RPTOR: variants seen among roughly 807,000 people sequenced by gnomAD.
RPTOR encodes regulatory-associated protein of mTOR.
RPTOR carries 21 observed loss-of-function variants against 169.9 expected under a neutral mutation model. The ratio of observed to expected loss-of-function variants is 0.12; its 90% confidence interval spans 0.09 to 0.18. The LOEUF (loss-of-function observed/expected upper bound fraction) is 0.18. Among genes scored for constraint, RPTOR ranks in the 10% least tolerant of loss-of-function variants. The pLI is 1.00. For missense variants in RPTOR, 1,133 were observed against 1,855.9 expected, an observed-to-expected ratio of 0.61 and a Z score of 7.16; for synonymous variants, 732 against 753.2, an observed-to-expected ratio of 0.97 and a Z score of 0.46.
At chr17:80,574,162 T>C (rs1306116059) in intron 1 of RPTOR, among the ~76,000 whole-genome samples, 2 of 145,104 alleles carry the variant, frequency 1.4e-5, no homozygotes, top group African/African-American at 2.6e-5. Flanking sequence ...TTTTTTCTTT[T>C]TTTTTTTTTT....
At chr17:80,908,321 A>G (rs2068569869) in intron 20 of RPTOR, among the ~76,000 whole-genome samples, 1 of 152,236 alleles carries the variant, frequency 6.6e-6, no homozygotes, top group South Asian at 2.1e-4. Context: ...ATCTCAGAGC[A>G]GGGCCAGTGC....
chr17:80,601,635 T>C (rs2065189136), intron 1 of RPTOR, among the ~76,000 whole-genome samples: 1 of 20,644 alleles, frequency 4.8e-5, no homozygotes, highest in Admixed American at 3.3e-4. Context: ...GGCAGGGTCA[T>C]GGGACAATAG....
intron 1 of RPTOR, among the ~76,000 whole-genome samples, chr17:80,610,957 G>A (rs2065266162): frequency 6.6e-6 from 1 of 152,080 alleles, no homozygotes; most frequent in Non-Finnish European, 1.5e-5. Flanking sequence ...TAATATAATG[G>A]GTTTTCGATC....
At chr17:80,964,215 GTC>G in intron 33 of RPTOR, 45 bp from the exon 34 acceptor site, 2 of 1,521,468 alleles carry the variant, frequency 1.3e-6, no homozygotes, top group Non-Finnish European at 1.8e-6. Flanking sequence ...CCCCCGCAGT[GTC>G]TGCCCGCACC....
intron 17 of RPTOR, among the ~76,000 whole-genome samples, chr17:80,885,695 CCA>C (rs1051297253): frequency 6.6e-6 from 1 of 152,140 alleles, no homozygotes; most frequent in African/African-American, 2.4e-5. Context: ...GTGCCCGCCA[CCA>C]CACTCGGCTA....
At chr17:80,665,506 G>T (rs147459147) in intron 3 of RPTOR, among the ~76,000 whole-genome samples, 7 of 18,116 alleles carry the variant, frequency 3.9e-4, no homozygotes, top group East Asian at 1.3e-3. Context: ...TCCTTTCCAT[G>T]TCCTTTCCTT....
At chr17:80,896,465 G>A (rs181110233) in intron 20 of RPTOR, among the ~76,000 whole-genome samples, 2,084 of 16,368 alleles carry the variant, frequency 0.13, 30 homozygotes, top group Non-Finnish European at 0.22. Context: ...CCACACGGCC[G>A]CACCGACACA....
intron 3 of RPTOR, among the ~76,000 whole-genome samples, chr17:80,672,253 A>G (rs1237674130): frequency 1.3e-5 from 2 of 152,140 alleles, no homozygotes; most frequent in Non-Finnish European, 2.9e-5. Flanking sequence ...CTCAAATTAA[A>G]GTTTGTTCAC....
intron 6 of RPTOR, among the ~76,000 whole-genome samples, chr17:80,786,919 T>C (rs2066998000): frequency 6.6e-6 from 1 of 152,238 alleles, no homozygotes; most frequent in Non-Finnish European, 1.5e-5. Flanking sequence ...CACTCATCAC[T>C]AGTCCATATT....
At position 80,817,124 on chromosome 17, in the gene RPTOR, C is replaced by T. The variant is rs528090441; in HGVS notation, c.891-5077C>T. ...CCACCGAGCCGCACAGCGGGAGGCA[C>T]GGCATGAGTGCCCAGCTGGCAGCGG... On this transcript the variant is annotated intron_variant, in intron 7 of 33. Transcript: ENST00000306801. 2.4e-3 allele frequency among the ~76,000 whole-genome samples: 364 copies of T among 152,312 alleles called. 1 individual carries two copies. Among genetic ancestry groups the T allele is most frequent in the African/African-American group, 7.9e-3 (327 of 41,570 alleles).
intron 21 of RPTOR, among the ~76,000 whole-genome samples, chr17:80,912,534 C>T (rs2068625205): frequency 6.6e-6 from 1 of 152,180 alleles, no homozygotes; most frequent in East Asian, 1.9e-4. Flanking sequence ...AAGTGCGTTC[C>T]TGTGGACCTG....
At position 80,923,538 on chromosome 17, in the gene RPTOR, T is replaced by C. The variant is rs1318838484; in HGVS notation, c.2673T>C (p.Asp891=). 1.9e-6 allele frequency: 3 copies of C among 1,613,326 alleles called. No homozygotes were observed. The highest frequency in any genetic ancestry group is 2.2e-5 in the South Asian group (2 of 91,082). ...SSTSSSSLTN[D]VAKQPVSRDL... is the part of the protein sequence containing the mutation. The stretch of plus-strand genomic sequence containing the variant: ...CCAGCAGCTCCAGCCTGACCAACGA[T>C]GTGGCCAAGCAGCCGGTCAGCCGAG... Residue 891 remains aspartate, a synonymous_variant, in exon 23 of 34, where the codon GAT becomes GAC. Coordinates refer to ENST00000306801, the MANE Select transcript of RPTOR (RefSeq NM_020761.3).
chr17:80,903,363 A>G (rs1057143065), intron 20 of RPTOR, among the ~76,000 whole-genome samples: 4 of 152,204 alleles, frequency 2.6e-5, no homozygotes, highest in African/African-American at 9.6e-5. Flanking sequence ...TTTGGAGGAA[A>G]GAGGAGCCCG....
chr17:80,578,387 A>C (rs957095387), intron 1 of RPTOR, among the ~76,000 whole-genome samples: 5 of 152,206 alleles, frequency 3.3e-5, no homozygotes, highest in African/African-American at 1.2e-4. Flanking sequence ...CTGAGGGAAC[A>C]CAGGGTATCT....
intron 6 of RPTOR, among the ~76,000 whole-genome samples, chr17:80,789,741 G>A (rs138207872): frequency 1.0e-3 from 157 of 152,354 alleles, no homozygotes; most frequent in African/African-American, 3.7e-3. Context: ...CCAGATGAAA[G>A]TGATTCATGC....
At chr17:80,546,274 A>G (rs1371013307) in intron 1 of RPTOR, among the ~76,000 whole-genome samples, 1 of 152,266 alleles carries the variant, frequency 6.6e-6, no homozygotes, top group Non-Finnish European at 1.5e-5. Flanking sequence ...CAAAGTTATT[A>G]TAAAGTTACA....
chr17:80,550,411 C>T (rs978199483), intron 1 of RPTOR, among the ~76,000 whole-genome samples: 2 of 152,214 alleles, frequency 1.3e-5, no homozygotes, highest in Non-Finnish European at 2.9e-5. Context: ...AATGCAGGGG[C>T]ACCCCAGGAA....
intron 1 of RPTOR, among the ~76,000 whole-genome samples, chr17:80,574,611 T>C (rs535584457): frequency 1.9e-3 from 291 of 152,222 alleles, no homozygotes; most frequent in African/African-American, 6.8e-3. Context: ...ACTGTAGTAA[T>C]GTTTCCTTTT....
At chr17:80,791,041 T>G (rs2067042541) in intron 6 of RPTOR, among the ~76,000 whole-genome samples, 2 of 152,070 alleles carry the variant, frequency 1.3e-5, no homozygotes, top group Admixed American at 1.3e-4. Flanking sequence ...TTCTTTTGTG[T>G]GTCTTGAGGC....
Sources: gnomAD v4.1 joint callset for allele counts (sites outside exome capture counted in the v4.1 genomes callset) on GRCh38, gnomAD v4.1.1 for gene constraint, MANE v1.5 for transcripts, NCBI Gene and HGNC (gene_info 2026-07-23, HGNC 2026-07-21) for gene names.